The following ABCG8 variants were observed in gnomAD, a reference collection of about 807,000 sequenced individuals.
ABCG8 encodes the protein ATP binding cassette subfamily G member 8, also known as ATP-binding cassette sub-family G member 8.
Under a neutral mutation model 71.3 loss-of-function variants are expected in ABCG8, and 81 were observed. The observed-to-expected ratio is 1.14, with a 90% confidence interval of 0.95 to 1.37. The LOEUF is 1.37. Ranked by LOEUF, ABCG8 falls within the 40% of genes most tolerant of loss-of-function variation. The pLI, the probability that ABCG8 is intolerant of heterozygous loss-of-function variation, is 0.00. For synonymous variants in ABCG8, 451 were observed against 354.7 expected (o/e 1.27, Z -3.05); for missense variants, 1,119 against 866.2 (o/e 1.29, Z -3.66).
chr2:43,868,047 A>G (rs2104940348), intron 6 of ABCG8, among the ~76,000 whole-genome samples: 1 of 152,134 alleles, frequency 6.6e-6, no homozygotes, highest in African/African-American at 2.4e-5. Context: ...CACTCTCTGG[A>G]TAGAGCTCTC....
chr2:43,880,173 G>GTTTTTTTTTTTTTTTTTTT lies in ABCG8; in HGVS notation c.*2264_*2265insTTTTTTTTTTTTTTTTTTT, dbSNP rs369164911. The GTTTTTTTTTTTTTTTTTTT allele has an allele frequency of 2.3e-5, 2 of 86,054 alleles. 1 individual carries two copies. Among genetic ancestry groups the GTTTTTTTTTTTTTTTTTTT allele is most frequent in the Non-Finnish European group, 4.8e-5 (2 of 41,566 alleles). 5.3% of individuals were successfully genotyped at this position (86,054 alleles called of 1,614,324 possible). On this transcript the variant is annotated 3_prime_UTR_variant, in exon 13 of 13. Transcript: ENST00000272286. Reference sequence around the variant, plus strand: ...ACCAAGAGTTTCAGGCTCATTTTTTGTTTTGTTTTTTTTTTTTTGAGACAG... The same window carrying GTTTTTTTTTTTTTTTTTTT: ...ACCAAGAGTTTCAGGCTCATTTTTTGTTTTTTTTTTTTTTTTTTTTTTTGTTTTTTTTTTTTTGAGACAG...
intron 6 of ABCG8, among the ~76,000 whole-genome samples, chr2:43,862,338 A>G (rs752686216): frequency 7.3e-6 from 1 of 137,742 alleles, no homozygotes; most frequent in African/African-American, 2.8e-5. Flanking sequence ...AATTCTCACA[A>G]TCTGGATAGA....
Position 43,879,759 on chromosome 2 carries a change from C to T in ABCG8, c.*1846C>T, listed in dbSNP as rs79372723. The T allele has an allele frequency of 6.6e-6, 1 of 152,106 alleles. No individual in the cohort carries two copies. Among genetic ancestry groups the T allele is most frequent in the Non-Finnish European group, 1.5e-5 (1 of 68,014 alleles). 9.4% of individuals were successfully genotyped at this position (152,106 alleles called of 1,614,324 possible). On this transcript the variant is annotated 3_prime_UTR_variant, in exon 13 of 13. Coordinates refer to ENST00000272286, the MANE Select transcript of ABCG8 (RefSeq NM_022437.3). ...CTTGATACTTGAGTTTGAAGGCTGT[C>T]TCTCAATTTGTGTTCTGCCCAGTGC... is the stretch of plus-strand genomic sequence containing the variant.
intron 6 of ABCG8, among the ~76,000 whole-genome samples, chr2:43,855,432 G>A (rs1401594016): frequency 6.7e-6 from 1 of 150,026 alleles, no homozygotes; most frequent in Non-Finnish European, 1.5e-5. Context: ...CTATCTGGAT[G>A]GAATTCTCTC....
intron 1 of ABCG8, among the ~76,000 whole-genome samples, chr2:43,840,700 A>G (rs995814269): frequency 6.6e-6 from 1 of 152,230 alleles, no homozygotes; most frequent in African/African-American, 2.4e-5. Flanking sequence ...GAGAAATTCT[A>G]AGGCAACTTG....
At chr2:43,866,809 C>T (rs192130804) in intron 6 of ABCG8, among the ~76,000 whole-genome samples, 1,682 of 150,756 alleles carry the variant, frequency 0.011, 77 homozygotes, top group African/African-American at 0.039. Flanking sequence ...GGATCTAGAA[C>T]TAGAAATACT....
intron 6 of ABCG8, among the ~76,000 whole-genome samples, chr2:43,871,215 G>A (rs960628189): frequency 2.7e-5 from 4 of 150,120 alleles, no homozygotes; most frequent in African/African-American, 7.4e-5. Context: ...TATCTGGATA[G>A]AATTCTCACC....
Position 43,839,125 on chromosome 2 carries a change from GC to G in ABCG8, c.63+10del. The G allele has an allele frequency of 6.4e-7, 1 of 1,551,162 alleles. No individual in the cohort carries two copies. The highest frequency in any genetic ancestry group is 8.7e-7 in the Non-Finnish European group (1 of 1,146,750). On this transcript the variant is annotated intron_variant, in intron 1 of 12. Transcript: ENST00000272286. Reference sequence around the variant, plus strand: ...CTCCCCAGGATACCTCGGTGAGTGAGCAATGGGAAGTCGGCCCAGGCCTGGT... The same window carrying G: ...CTCCCCAGGATACCTCGGTGAGTGAGAATGGGAAGTCGGCCCAGGCCTGGT...
chr2:43,873,706 C>T, intron 8 of ABCG8, 81 bp from the exon 9 acceptor site: 1 of 1,436,010 alleles, frequency 7.0e-7, no homozygotes, highest in African/African-American at 1.4e-5. Context: ...AAAAATGAGG[C>T]TTATGGAGAC....
chr2:43,852,726 T>G lies in ABCG8; in HGVS notation c.822T>G (p.Ser274=), dbSNP rs932127963. 1.2e-6 allele frequency: 2 copies of G among 1,614,058 alleles called. No homozygotes were observed. Among genetic ancestry groups the G allele is most frequent in the African/African-American group, 2.7e-5 (2 of 74,934 alleles). The change falls in exon 6 of 13, where the codon TCT becomes TCG. Residue 274 remains serine, a synonymous_variant. Transcript: ENST00000272286. The part of the protein sequence containing the change: ...LVLISLHQPR[S]DIFRLFDLVL... ...TCATCTCCCTCCACCAGCCTCGCTC[T>G]GACATCTTCAGGCTGTTTGATCTGG...
chr2:43,870,192 A>AGT (rs1669712682), intron 6 of ABCG8, among the ~76,000 whole-genome samples: 2 of 151,878 alleles, frequency 1.3e-5, no homozygotes, highest in East Asian at 3.9e-4. Flanking sequence ...TAGAACTCTC[A>AGT]CAATCTGGAT....
In ABCG8 at chr2:43,879,107, C is replaced by G. The variant is rs1199386285; in HGVS notation, c.*1194C>G. 4 of 152,206 alleles carry G rather than the reference C, an allele frequency of 2.6e-5. No homozygotes were observed. The highest frequency in any genetic ancestry group is 4.4e-5 in the Non-Finnish European group (3 of 68,070). The allele number at this position is 152,206 out of a possible 1,614,324, so 9.4% of individuals were successfully genotyped here. A position where few individuals can be genotyped will look rare whatever the true frequency, so the allele number is the denominator to read the frequency against. Reference sequence around the variant, plus strand: ...GTATTTCTTCATAGCAGTGTGAGAGCAGATGAATACACTGGCCCTGCCTGG... The same window carrying G: ...GTATTTCTTCATAGCAGTGTGAGAGGAGATGAATACACTGGCCCTGCCTGG... On this transcript the variant is annotated 3_prime_UTR_variant, in exon 13 of 13. Coordinates refer to ENST00000272286, the MANE Select transcript of ABCG8 (RefSeq NM_022437.3).
chr2:43,875,229 C>A lies in ABCG8; in HGVS notation c.1572C>A (p.Gly524=), dbSNP rs1401729609. Residue 524 remains glycine (G), a synonymous_variant, in exon 11 of 13, where the codon GGC becomes GGA. Coordinates refer to ENST00000272286, the MANE Select transcript of ABCG8 (RefSeq NM_022437.3). The part of the protein sequence containing the change: ...PTYWLANLRP[G]LQPFLLHFLL... ...ACTGGCTGGCCAACCTGAGGCCAGG[C>A]CTCCAGCCCTTCCTGCTGCACTTCC... 1 of 1,614,206 alleles carries A rather than the reference C, an allele frequency of 6.2e-7. No individual in the cohort carries two copies. The highest frequency in any genetic ancestry group is 2.2e-5 in the East Asian group (1 of 44,884).
chr2:43,862,513 T>C (rs945979860), intron 6 of ABCG8, among the ~76,000 whole-genome samples: 1 of 151,382 alleles, frequency 6.6e-6, no homozygotes, highest in Admixed American at 6.6e-5. Context: ...TCTCACCATC[T>C]AGATAGAACT....
At chr2:43,871,422 C>A (rs1669768407) in intron 6 of ABCG8, among the ~76,000 whole-genome samples, 1 of 152,022 alleles carries the variant, frequency 6.6e-6, no homozygotes, top group Non-Finnish European at 1.5e-5. Flanking sequence ...ATAGAACTGT[C>A]ACTGTCTATC....
chr2:43,870,468 G>A (rs1262462746), intron 6 of ABCG8, among the ~76,000 whole-genome samples: 2 of 151,426 alleles, frequency 1.3e-5, no homozygotes, highest in African/African-American at 2.4e-5. Context: ...TCACTATCTG[G>A]GTAGTATTCT....
At position 43,867,291 on chromosome 2, in the gene ABCG8, G is replaced by C. The variant is rs1669563243; in HGVS notation, c.965-4685G>C. Among the ~76,000 whole-genome samples, 3 of 151,558 alleles carry C rather than the reference G, an allele frequency of 2.0e-5. No homozygotes were observed. In the South Asian group the frequency reaches 6.2e-4, roughly 32 times the overall value. On this transcript the variant is annotated intron_variant, in intron 6 of 12. Transcript: ENST00000272286. ...CAGCGCACCAGCATGTCACACGTAT[G>C]CATATGTAACTAACCTGCACATTGT...
chr2:43,853,907 C>A (rs755900124), intron 6 of ABCG8, among the ~76,000 whole-genome samples: 2 of 152,162 alleles, frequency 1.3e-5, no homozygotes, highest in African/African-American at 4.8e-5. Flanking sequence ...GCCCCTTGCC[C>A]TCTGTACTCA....
In ABCG8 at chr2:43,874,468, A is replaced by G. The variant is rs146046068; in HGVS notation, c.1473A>G (p.Pro491=). ...ELEDGLYTTG[P]YFFAKILGEL... is the part of the protein sequence containing the mutation. ...AAGACGGGCTGTACACCACTGGTCC[A>G]TATTTCTTTGCCAAGGTGACTGGGC... The change falls in exon 10 of 13, where the codon CCA becomes CCG. Residue 491 remains proline (P), a synonymous_variant. Transcript: ENST00000272286. The G allele has an allele frequency of 6.2e-5, 100 of 1,613,544 alleles. 1 individual carries two copies. The African/African-American group carries it at 1.2e-3, about 19-fold the overall frequency.
Sources: allele counts gnomAD v4.1 joint callset (sites outside exome capture counted in the v4.1 genomes callset), GRCh38; gene constraint gnomAD v4.1.1; transcripts MANE v1.5; gene names NCBI Gene and HGNC (gene_info 2026-07-23, HGNC 2026-07-21).